The following DGKG variants were observed in gnomAD, a reference collection of about 807,000 sequenced individuals.
DGKG encodes DAG kinase gamma.
Under a neutral mutation model 105.3 loss-of-function variants are expected in DGKG, and 78 were observed. That is an observed-to-expected ratio of 0.74 (90% confidence interval 0.62 to 0.89). The LOEUF is 0.89. Among genes scored for constraint, DGKG ranks in the 40% least tolerant of loss-of-function variants. DGKG has a pLI of 0.00. For missense variants in DGKG, 958 were observed against 1,020.1 expected (o/e 0.94, Z 0.83); for synonymous variants, 346 against 367.1 (o/e 0.94, Z 0.66).
chr3:186,235,270 C>T (rs1720362054), intron 20 of DGKG, among the ~76,000 whole-genome samples: 1 of 152,152 alleles, frequency 6.6e-6, no homozygotes, highest in Non-Finnish European at 1.5e-5. Flanking sequence ...CACAGAAAAT[C>T]CCACAATTAA....
In DGKG at chr3:186,176,735, T is replaced by C. The variant is rs548118613; in HGVS notation, c.2095+11467A>G. Among the ~76,000 whole-genome samples the C allele has an allele frequency of 2.0e-5, 3 of 152,322 alleles. No homozygotes were observed. The East Asian group carries it at 5.8e-4, about 29-fold the overall frequency. ...GCTGTAGAGGATTAAAATGAGACGA[T>C]GAATGTAAAATATTTCTGGCATCTA... On this transcript the variant is annotated intron_variant, in intron 22 of 24. Transcript: ENST00000265022.
At chr3:186,327,763 T>C (rs189540602) in intron 1 of DGKG, among the ~76,000 whole-genome samples, 91 of 152,200 alleles carry the variant, frequency 6.0e-4, no homozygotes, top group African/African-American at 2.1e-3. Flanking sequence ...CATCTGCATA[T>C]TGTTTTTTCA....
intron 1 of DGKG, among the ~76,000 whole-genome samples, chr3:186,323,171 G>A (rs1468044772): frequency 2.0e-5 from 3 of 152,182 alleles, no homozygotes; most frequent in Non-Finnish European, 2.9e-5. Flanking sequence ...AGAATAAGAT[G>A]TAATCTTCTT....
At chr3:186,281,291 C>T (rs1277963794) in intron 7 of DGKG, 2 of 152,776 alleles carry the variant, frequency 1.3e-5, no homozygotes, top group Admixed American at 6.5e-5. Context: ...TTAGCCCAGC[C>T]CCCAGGAGTC....
chr3:186,334,622 C>A (rs937406266), intron 1 of DGKG, among the ~76,000 whole-genome samples: 1 of 152,158 alleles, frequency 6.6e-6, no homozygotes, highest in Admixed American at 6.5e-5. Context: ...ATTCAGTAAC[C>A]TTTACAATGT....
At position 186,260,500 on chromosome 3, in the gene DGKG, A is replaced by G; in HGVS notation, c.1363T>C (p.Phe455Leu). 6.2e-7 allele frequency: 1 copy of G among 1,612,118 alleles called. No homozygotes were observed. Among genetic ancestry groups the G allele is most frequent in the Non-Finnish European group, 8.5e-7 (1 of 1,178,258 alleles). The change falls in exon 16 of 25, where the codon TTC (phenylalanine) becomes CTC (leucine). Residue 455 changes from phenylalanine (F) to leucine (L), a missense_variant. By Grantham distance (22) the Phe-to-Leu change is conservative. This residue lies in a region of DGKG where 643 missense variants were observed against 619.5 expected (regional missense o/e 1.04). Coordinates refer to ENST00000265022, the MANE Select transcript of DGKG (RefSeq NM_001346.3). ...TGTTTGGGGTTGAGCAGATAGTGGA[A>G]TTTCCGAAGAATTCTATGGAAAAAA... ...GRQGERILRK[F>L]HYLLNPKQVF... is the part of the protein sequence containing the mutation.
chr3:186,314,285 G>A (rs1724706821), intron 2 of DGKG, among the ~76,000 whole-genome samples: 1 of 151,684 alleles, frequency 6.6e-6, no homozygotes, highest in Admixed American at 6.6e-5. Context: ...TGTTGTTGCT[G>A]AATTGAAGCA....
intron 21 of DGKG, among the ~76,000 whole-genome samples, chr3:186,197,913 C>T (rs1369049438): frequency 2.0e-5 from 3 of 152,196 alleles, no homozygotes; most frequent in Non-Finnish European, 4.4e-5. Flanking sequence ...AATGAATCTT[C>T]CCCTTCTCTG....
chr3:186,337,545 A>G (rs1407313145), intron 1 of DGKG, among the ~76,000 whole-genome samples: 1 of 152,186 alleles, frequency 6.6e-6, no homozygotes, highest in Non-Finnish European at 1.5e-5. Flanking sequence ...AAGCATTACC[A>G]TTAAAATCAA....
Position 186,154,035 on chromosome 3 carries a change from G to A in DGKG, c.2278-3847C>T, listed in dbSNP as rs552862258. Among the ~76,000 whole-genome samples, 7 of 152,242 alleles carry A rather than the reference G, an allele frequency of 4.6e-5. No homozygotes were observed. In the East Asian group the frequency reaches 9.7e-4, roughly 21 times the overall value. On this transcript the variant is annotated intron_variant, in intron 24 of 24. Transcript: ENST00000265022. ...TCGCTTGAGCCTGGGAGGTCGAGGC[G>A]GCAGTGAGCCGTGTTCTCGCCACTG...
chr3:186,189,093 G>C (rs1371012319), intron 21 of DGKG, among the ~76,000 whole-genome samples: 1 of 152,118 alleles, frequency 6.6e-6, no homozygotes, highest in Non-Finnish European at 1.5e-5. Context: ...GATTACAGGA[G>C]TGAGCCACCA....
rs1173045157 is a variant in DGKG, at chr3:186,203,493, A to T, written c.1917+8302T>A. On this transcript the variant is annotated intron_variant, in intron 21 of 24. Transcript: ENST00000265022. This position sits in a 1 kb window ranked among gnomAD's most constrained non-coding sequence, Gnocchi z 4.9. ...AGAGGTTAGCCCACATATTAGGAGTAGCGGAAAGAAACCGATTAGGAGGAA... is the reference window on the plus strand; with the variant it reads ...AGAGGTTAGCCCACATATTAGGAGTTGCGGAAAGAAACCGATTAGGAGGAA... Among the ~76,000 whole-genome samples, 1 of 152,212 alleles carries T rather than the reference A, an allele frequency of 6.6e-6. No homozygotes were observed. Among genetic ancestry groups the T allele is most frequent in the East Asian group, 1.9e-4 (1 of 5,194 alleles).
At chr3:186,189,479 C>G (rs1717803112) in intron 21 of DGKG, among the ~76,000 whole-genome samples, 1 of 152,148 alleles carries the variant, frequency 6.6e-6, no homozygotes, top group Admixed American at 6.5e-5. Flanking sequence ...GCTAAGTTAT[C>G]CAAGCTTGCA....
At position 186,207,317 on chromosome 3, in the gene DGKG, C is replaced by A. The variant is rs759674; in HGVS notation, c.1917+4478G>T. On this transcript the variant is annotated intron_variant, in intron 21 of 24. Transcript: ENST00000265022. The stretch of plus-strand genomic sequence containing the variant: ...TTGAGAGTCTCTGCTCTAGACTGAG[C>A]TTCTCAAGTGCCAGTACTGCCCCGA... 4.9e-3 allele frequency: 1,268 copies of A among 258,490 alleles called. 15 individuals are homozygous for A. The highest frequency in any genetic ancestry group is 0.027 in the African/African-American group (1,160 of 43,468). The allele number at this position is 258,490 out of a possible 1,614,324, so 16.0% of individuals were successfully genotyped here.
At chr3:186,166,166 G>C (rs1178222663) in intron 22 of DGKG, among the ~76,000 whole-genome samples, 2 of 152,188 alleles carry the variant, frequency 1.3e-5, no homozygotes, top group Non-Finnish European at 2.9e-5. Flanking sequence ...TGTATTCCTA[G>C]TGAAGACAGT....
At chr3:186,191,993 C>T (rs541657834) in intron 21 of DGKG, among the ~76,000 whole-genome samples, 12 of 143,778 alleles carry the variant, frequency 8.3e-5, no homozygotes, top group African/African-American at 2.9e-4. Flanking sequence ...CATTGGATCA[C>T]ACTTTCTTTT....
chr3:186,303,945 T>C (rs1346486625), intron 3 of DGKG, among the ~76,000 whole-genome samples: 1 of 152,262 alleles, frequency 6.6e-6, no homozygotes, highest in Non-Finnish European at 1.5e-5. Flanking sequence ...TCCCTAACCC[T>C]GTGCCATGAC....
chr3:186,333,683 G>A (rs534946371), intron 1 of DGKG, among the ~76,000 whole-genome samples: 1 of 152,238 alleles, frequency 6.6e-6, no homozygotes, highest in Admixed American at 6.5e-5. Flanking sequence ...ATCCAAGAAG[G>A]TAAGAAAATG....
chr3:186,248,335 C>T (rs1721045778), intron 19 of DGKG, among the ~76,000 whole-genome samples: 1 of 152,258 alleles, frequency 6.6e-6, no homozygotes, highest in Non-Finnish European at 1.5e-5. Context: ...GCAGCTCTGC[C>T]AGTCTTGCTC....
Sources: gnomAD v4.1 joint callset for allele counts (sites outside exome capture counted in the v4.1 genomes callset) on GRCh38, gnomAD v4.1.1 for gene constraint, gnomAD v4.1.1 regional missense constraint, Gnocchi (gnomAD v3.1) non-coding constraint, MANE v1.5 for transcripts, NCBI Gene and HGNC (gene_info 2026-07-23, HGNC 2026-07-21) for gene names.